ZNF565: variants seen among roughly 807,000 people sequenced by gnomAD.
ZNF565 encodes the protein zinc finger protein 565.
Under a neutral mutation model 39.4 loss-of-function variants are expected in ZNF565, and 27 were observed. The observed-to-expected ratio is 0.69, with a 90% CI of 0.51 to 0.95. ZNF565 has a LOEUF of 0.95. Ranked by LOEUF, ZNF565 falls within the 40% of genes least tolerant of loss-of-function variation. The pLI is 0.00. For missense variants in ZNF565, 524 were observed against 621.1 expected, an observed-to-expected ratio of 0.84 and a Z score of 1.66; for synonymous variants, 185 against 216.6, an observed-to-expected ratio of 0.85 and a Z score of 1.28.
At position 36,195,174 on chromosome 19, in the gene ZNF565, C is replaced by A. The variant is rs142318060; in HGVS notation, c.10-18G>T. Reference sequence around the variant, plus strand: ...ACCAGTCCCTGAAACAATAAACCCACGCATTAGTGTACATTAAGAAACTTT... The same window carrying A: ...ACCAGTCCCTGAAACAATAAACCCAAGCATTAGTGTACATTAAGAAACTTT... On this transcript the variant is annotated intron_variant, in intron 2 of 4. Coordinates refer to ENST00000304116, the MANE Select transcript of ZNF565 (RefSeq NM_152477.5). 2.5e-6 allele frequency: 4 copies of A among 1,608,326 alleles called. No individual in the cohort carries two copies. The highest frequency in any genetic ancestry group is 3.4e-6 in the Non-Finnish European group (4 of 1,176,816).
intron 1 of ZNF565, among the ~76,000 whole-genome samples, chr19:36,228,249 C>T (rs1468571115): frequency 7.9e-6 from 1 of 127,102 alleles, no homozygotes; most frequent in African/African-American, 3.1e-5. Context: ...AGTTTTTATT[C>T]TTGAGTACTG....
At chr19:36,212,957 G>A (rs1196649745) in intron 1 of ZNF565, 2 of 152,164 alleles carry the variant, frequency 1.3e-5, no homozygotes, top group Non-Finnish European at 2.9e-5. Context: ...CTTGGAGAAG[G>A]GTTAAGAGCA....
upstream of ZNF565, among the ~76,000 whole-genome samples, chr19:36,217,690 G>C (rs1381097506): frequency 1.3e-5 from 2 of 152,004 alleles, no homozygotes; most frequent in African/African-American, 2.4e-5. Flanking sequence ...TTTGAGACCA[G>C]CGTGACCAAC....
At chr19:36,223,047 C>G (rs1976920998) in intron 1 of ZNF565, among the ~76,000 whole-genome samples, 1 of 151,942 alleles carries the variant, frequency 6.6e-6, no homozygotes, top group African/African-American at 2.4e-5. Flanking sequence ...CCCCTGGGCC[C>G]AAGCAAGTCT....
At chr19:36,200,160 G>T (rs1452970626) in intron 2 of ZNF565, among the ~76,000 whole-genome samples, 2 of 151,742 alleles carry the variant, frequency 1.3e-5, no homozygotes, top group Non-Finnish European at 2.9e-5. Flanking sequence ...TGAGCAGCTG[G>T]AATTATAGAC....
chr19:36,211,927 G>T (rs1412014671), intron 1 of ZNF565, among the ~76,000 whole-genome samples: 3 of 152,152 alleles, frequency 2.0e-5, no homozygotes, highest in Non-Finnish European at 4.4e-5. Context: ...AAGACTAATA[G>T]ATGAAAGGAG....
rs762540948 is a variant in ZNF565, at chr19:36,182,533, C to A, written c.1433G>T (p.Arg478Ile). ...AAGAATAAATGCCTGCCCACACTCT[C>A]TACATTCGTAAGGTTTGATACCAGG... ...IHPGIKPYECRECGQAFILGS... is the reference protein window; with the variant it reads ...IHPGIKPYECIECGQAFILGS... Residue 478 changes from arginine (R) to isoleucine (I), a missense_variant, in exon 5 of 5, where the codon AGA (arginine) becomes ATA (isoleucine). Coordinates refer to ENST00000304116, the MANE Select transcript of ZNF565 (RefSeq NM_152477.5). 6.2e-7 allele frequency: 1 copy of A among 1,610,292 alleles called. No individual in the cohort carries two copies. The highest frequency in any genetic ancestry group is 1.1e-5 in the South Asian group (1 of 90,262).
chr19:36,223,555 G>T (rs1364274687), intron 1 of ZNF565, among the ~76,000 whole-genome samples: 1 of 151,870 alleles, frequency 6.6e-6, no homozygotes, highest in Non-Finnish European at 1.5e-5. Context: ...AGTAGAGACG[G>T]GGTTTCACCA....
chr19:36,185,763 C>T (rs962955130), intron 4 of ZNF565, among the ~76,000 whole-genome samples: 14 of 144,406 alleles, frequency 9.7e-5, no homozygotes, highest in African/African-American at 3.1e-4. Flanking sequence ...GTCCCCCAGG[C>T]GCTCACTGCA....
chr19:36,209,823 A>G (rs1330374029), intron 1 of ZNF565, among the ~76,000 whole-genome samples: 1 of 152,108 alleles, frequency 6.6e-6, no homozygotes, highest in African/African-American at 2.4e-5. Context: ...TGTATGGTAC[A>G]TGGAAGTCAG....
intron 1 of ZNF565, among the ~76,000 whole-genome samples, chr19:36,206,341 G>T (rs1280849205): frequency 6.6e-6 from 1 of 152,012 alleles, no homozygotes; most frequent in Non-Finnish European, 1.5e-5. Context: ...GGGCACAGTA[G>T]CTCACTCCTG....
intron 1 of ZNF565, chr19:36,228,647 A>C (rs1003984790): frequency 1.3e-5 from 2 of 152,202 alleles, no homozygotes; most frequent in Admixed American, 1.3e-4. Flanking sequence ...TTGCACCCTC[A>C]TTCTTCAGAA....
In ZNF565 at chr19:36,245,709, C is replaced by A. The variant is rs1314869918; in HGVS notation, c.-179G>T. 6.6e-6 allele frequency: 4 copies of A among 604,076 alleles called. No homozygotes were observed. The highest frequency in any genetic ancestry group is 1.2e-5 in the Non-Finnish European group (4 of 337,138). The allele number at this position is 604,076 out of a possible 1,614,324, so 37.4% of individuals were successfully genotyped here. ...TCTTAAGGACCCTCCGTTGACGATG[C>A]CTCGAGCTATGACCCACCCTGGCTC... is the stretch of plus-strand genomic sequence containing the variant. On this transcript the variant is annotated 5_prime_UTR_variant, in exon 1 of 5. Transcript: ENST00000355114. The surrounding 1 kb of genome is among the most constrained non-coding windows in gnomAD (Gnocchi z 4.4).
Position 36,194,348 on chromosome 19 carries a change from T to C in ZNF565, c.137-20A>G, listed in dbSNP as rs1406092462. On this transcript the variant is annotated intron_variant, in intron 3 of 4. Transcript: ENST00000304116. ...AGAGTCCTGTTTACAGGAAAAGAAA[T>C]GGGGTGTGATCAGACCGCTCCAAAA... The C allele has an allele frequency of 6.3e-7, 1 of 1,589,638 alleles. No homozygotes were observed. The highest frequency in any genetic ancestry group is 1.3e-5 in the African/African-American group (1 of 74,462).
intron 2 of ZNF565, among the ~76,000 whole-genome samples, chr19:36,201,663 C>T (rs566649713): frequency 6.6e-5 from 10 of 151,964 alleles, no homozygotes; most frequent in Admixed American, 2.0e-4. Context: ...TTAGTAGAGA[C>T]GGGGTTTCAC....
upstream of ZNF565, among the ~76,000 whole-genome samples, chr19:36,218,807 CTTT>C (rs201752963): frequency 5.0e-5 from 7 of 139,694 alleles, no homozygotes; most frequent in Non-Finnish European, 7.8e-5. Context: ...TTAAAATTTT[CTTT>C]TTTTTTGGTG....
intron 4 of ZNF565, among the ~76,000 whole-genome samples, chr19:36,188,327 C>G (rs912316419): frequency 6.6e-6 from 1 of 151,122 alleles, no homozygotes; most frequent in Non-Finnish European, 1.5e-5. Flanking sequence ...TGCACTCCAG[C>G]CTGGGCGACA....
chr19:36,182,841 G>A lies in ZNF565; in HGVS notation c.1125C>T (p.His375=), dbSNP rs761333089. 68 of 1,613,698 alleles carry A rather than the reference G, an allele frequency of 4.2e-5. No individual in the cohort carries two copies. Among genetic ancestry groups the A allele is most frequent in the East Asian group, 2.0e-4 (9 of 44,866 alleles). ...CTCTCTGATGTCGTGTGAGCTGTGCGTGCTGTCTGAAGGCCTTCCCACATT... is the reference window on the plus strand; with the variant it reads ...CTCTCTGATGTCGTGTGAGCTGTGCATGCTGTCTGAAGGCCTTCCCACATT... ...CKECGKAFRQ[H]AQLTRHQRVH... Residue 375 remains histidine, a synonymous_variant, in exon 5 of 5, where the codon CAC becomes CAT. Transcript: ENST00000304116.
intron 1 of ZNF565, among the ~76,000 whole-genome samples, chr19:36,239,475 A>T (rs889362165): frequency 6.6e-6 from 1 of 151,268 alleles, no homozygotes; most frequent in African/African-American, 2.4e-5. Context: ...GGCACGCACC[A>T]CTATGCTGTG....
Sources: gnomAD v4.1 joint callset for allele counts (sites outside exome capture counted in the v4.1 genomes callset) on GRCh38, gnomAD v4.1.1 for gene constraint, Gnocchi (gnomAD v3.1) non-coding constraint, MANE v1.5 for transcripts, NCBI Gene and HGNC (gene_info 2026-07-23, HGNC 2026-07-21) for gene names.